Variants in MYO5B observed in about 807,000 individuals in gnomAD.
MYO5B encodes myosin VB.
A neutral mutation model predicts 229.3 loss-of-function variants in MYO5B; 143 were observed. That is an observed-to-expected ratio of 0.62 (90% CI 0.54 to 0.72). MYO5B has a LOEUF of 0.72. MYO5B is among the 30% of genes least tolerant of loss of function. The pLI is 0.00. For synonymous variants in MYO5B, 918 were observed against 885.2 expected (o/e 1.04, Z -0.66); for missense variants, 2,321 against 2,331.0 (o/e 1.00, Z 0.09).
At chr18:50,110,883 T>A (rs2031853301) in intron 1 of MYO5B, among the ~76,000 whole-genome samples, 1 of 152,030 alleles carries the variant, frequency 6.6e-6, no homozygotes, top group Non-Finnish European at 1.5e-5. Flanking sequence ...ACCTACAGAT[T>A]CAAAGAATGC....
At chr18:49,968,128 C>G (rs1019029173) in intron 10 of MYO5B, among the ~76,000 whole-genome samples, 1 of 152,082 alleles carries the variant, frequency 6.6e-6, no homozygotes, top group Non-Finnish European at 1.5e-5. Context: ...GGGCAGATGA[C>G]AGGAAACTAG....
At chr18:49,989,227 A>G (rs905419282) in intron 7 of MYO5B, among the ~76,000 whole-genome samples, 3 of 152,160 alleles carry the variant, frequency 2.0e-5, no homozygotes, top group Admixed American at 6.5e-5. Context: ...AGGGATTCAT[A>G]AGCAAGTGTT....
intron 16 of MYO5B, among the ~76,000 whole-genome samples, chr18:49,930,709 G>T (rs942064885): frequency 6.6e-6 from 1 of 151,976 alleles, no homozygotes; most frequent in Non-Finnish European, 1.5e-5. Flanking sequence ...TGGCTAACAC[G>T]GTGAAACCCC....
At chr18:50,090,815 C>G (rs936198665) in intron 1 of MYO5B, among the ~76,000 whole-genome samples, 1 of 152,198 alleles carries the variant, frequency 6.6e-6, no homozygotes, top group African/African-American at 2.4e-5. Flanking sequence ...ACCACTTTCC[C>G]TACAACAGCA....
intron 4 of MYO5B, among the ~76,000 whole-genome samples, chr18:50,024,043 T>C (rs1442590977): frequency 1.3e-5 from 2 of 152,194 alleles, no homozygotes; most frequent in African/African-American, 4.8e-5. Context: ...GACAACCCCA[T>C]ACAGGCAGGA....
intron 22 of MYO5B, among the ~76,000 whole-genome samples, chr18:49,889,271 G>T (rs887275309): frequency 6.6e-6 from 1 of 152,188 alleles, no homozygotes; most frequent in Non-Finnish European, 1.5e-5. Context: ...ATTTGCTATT[G>T]CTGGAGGCAG....
intron 1 of MYO5B, among the ~76,000 whole-genome samples, chr18:50,091,077 CCA>C (rs148880483): frequency 0.13 from 20,138 of 152,194 alleles, 1,426 homozygotes; most frequent in East Asian, 0.23. Flanking sequence ...GAGAATTCCC[CCA>C]GTTAGTGGAG....
chr18:50,187,525 G>A (rs898358588), intron 1 of MYO5B, among the ~76,000 whole-genome samples: 1 of 151,544 alleles, frequency 6.6e-6, no homozygotes, highest in Non-Finnish European at 1.5e-5. Context: ...TTGGGGGGGT[G>A]GGCGGTGGGC....
intron 25 of MYO5B, among the ~76,000 whole-genome samples, chr18:49,877,121 G>A (rs2024533192): frequency 6.6e-6 from 1 of 152,172 alleles, no homozygotes; most frequent in Admixed American, 6.5e-5. Flanking sequence ...GGTTCTGTGT[G>A]TACGTGCGCG....
At chr18:50,112,103 A>G (rs2031874658) in intron 1 of MYO5B, among the ~76,000 whole-genome samples, 1 of 152,230 alleles carries the variant, frequency 6.6e-6, no homozygotes, top group African/African-American at 2.4e-5. Flanking sequence ...GAAGAGAGCT[A>G]TATTAGATCG....
At position 50,167,725 on chromosome 18, in the gene MYO5B, A is replaced by G. The variant is rs73959894; in HGVS notation, c.27+27042T>C. On this transcript the variant is annotated intron_variant, in intron 1 of 39. Transcript: ENST00000285039. ...CCTGCTTCCATAGCTTCCCCAGCTG[A>G]GAAAGGCAATGATCCATAGGCAAGA... Among the ~76,000 whole-genome samples the G allele has an allele frequency of 1.2e-3, 186 of 152,254 alleles. 1 individual carries two copies. Among genetic ancestry groups the G allele is most frequent in the African/African-American group, 4.3e-3 (178 of 41,552 alleles).
Position 49,987,986 on chromosome 18 carries a change from T to TA in MYO5B, c.838+2452dup, listed in dbSNP as rs200418621. On this transcript the variant is annotated intron_variant, in intron 7 of 39. Coordinates refer to ENST00000285039, the MANE Select transcript of MYO5B (RefSeq NM_001080467.3). ...CCTTAACAAATTATTCATTGGACTT[T>TA]AAAAAAAAAATCTCCTCTTGAGGTC... Among the ~76,000 whole-genome samples, 144 of 150,284 alleles carry TA rather than the reference T, an allele frequency of 9.6e-4. 1 individual carries two copies. The highest frequency in any genetic ancestry group is 9.5e-3 in the East Asian group (49 of 5,146).
At chr18:50,006,235 C>G (rs2026099428) in intron 4 of MYO5B, among the ~76,000 whole-genome samples, 1 of 152,194 alleles carries the variant, frequency 6.6e-6, no homozygotes, top group African/African-American at 2.4e-5. Flanking sequence ...GAGATGTTTA[C>G]AAGTACAGAA....
chr18:50,018,010 A>G (rs1486974762), intron 4 of MYO5B, among the ~76,000 whole-genome samples: 1 of 152,212 alleles, frequency 6.6e-6, no homozygotes, highest in Non-Finnish European at 1.5e-5. Context: ...ATGTGACTCA[A>G]ATATGAGTTA....
chr18:49,953,360 C>G lies in MYO5B; in HGVS notation c.1669-17G>C. On this transcript the variant is annotated splice_polypyrimidine_tract_variant and intron_variant, in intron 13 of 39. Coordinates refer to ENST00000285039, the MANE Select transcript of MYO5B (RefSeq NM_001080467.3). ...GTACTCCACCTGGGGCCACAGCAAC[C>G]AGAGAGAGACACAGTCGTTAGTGCT... The G allele has an allele frequency of 6.2e-7, 1 of 1,609,328 alleles. No individual in the cohort carries two copies.
At chr18:49,936,183 C>A in intron 16 of MYO5B, 69 bp downstream of exon 16, 1 of 1,391,620 alleles carries the variant, frequency 7.2e-7, no homozygotes, top group South Asian at 1.2e-5. Context: ...CAGGCAAGGC[C>A]TGGGCCACCC....
intron 26 of MYO5B, among the ~76,000 whole-genome samples, chr18:49,873,383 G>A (rs1290594017): frequency 6.6e-6 from 1 of 152,206 alleles, no homozygotes. Flanking sequence ...TCCTCCCACT[G>A]TGGATGCACT....
At chr18:49,971,038 C>G (rs940436242) in intron 10 of MYO5B, 1 of 152,246 alleles carries the variant, frequency 6.6e-6, no homozygotes, top group Non-Finnish European at 1.5e-5. Flanking sequence ...TCAGGCATCC[C>G]CACACCCCCA....
At chr18:50,078,679 TATCTGCTAAAGCTGAGCATAAGACCC>T (rs2031144936) in intron 1 of MYO5B, among the ~76,000 whole-genome samples, 1 of 152,190 alleles carries the variant, frequency 6.6e-6, no homozygotes. Flanking sequence ...TCTTCAGCAG[TATCTGCTAAAGCTGAGCATAAGACCC>T]ACCACACCCA....
Sources: gnomAD v4.1 joint callset for allele counts (sites outside exome capture counted in the v4.1 genomes callset) on GRCh38, gnomAD v4.1.1 for gene constraint, MANE v1.5 for transcripts, NCBI Gene and HGNC (gene_info 2026-07-23, HGNC 2026-07-21) for gene names.